KIF5C: variants seen among roughly 807,000 people sequenced by gnomAD.
KIF5C encodes the protein kinesin heavy chain isoform 5C.
A neutral mutation model predicts 125.2 loss-of-function variants in KIF5C; 18 were observed. The ratio of observed to expected loss-of-function variants is 0.14; its 90% CI spans 0.10 to 0.21. The LOEUF (loss-of-function observed/expected upper bound fraction) is 0.21. Ranked by LOEUF, KIF5C falls within the 10% of genes least tolerant of loss-of-function variation. The pLI is 1.00. For synonymous variants in KIF5C, 405 were observed against 434.0 expected, an observed-to-expected ratio of 0.93 and a Z score of 0.83; for missense variants, 780 against 1,183.8, an observed-to-expected ratio of 0.66 and a Z score of 5.01.
intron 15 of KIF5C, among the ~76,000 whole-genome samples, chr2:148,987,373 G>A: frequency 6.6e-6 from 1 of 152,174 alleles, no homozygotes; most frequent in Middle Eastern, 3.2e-3. Context: ...TAGTAGCCTG[G>A]CCAGAACCAG....
At chr2:148,942,797 G>A (rs773242502) in intron 7 of KIF5C, 37 bp downstream of exon 7, 1 of 1,585,812 alleles carries the variant, frequency 6.3e-7, no homozygotes, top group South Asian at 1.2e-5. Context: ...CCTGCAGCTT[G>A]GGAGACAGAT....
intron 16 of KIF5C, among the ~76,000 whole-genome samples, chr2:148,992,702 A>C (rs1009211692): frequency 6.6e-6 from 1 of 152,274 alleles, no homozygotes; most frequent in African/African-American, 2.4e-5. Flanking sequence ...GACCAGGAAT[A>C]TCAGGGGGAA....
intron 21 of KIF5C, among the ~76,000 whole-genome samples, chr2:149,004,258 T>A (rs1681939753): frequency 6.6e-6 from 1 of 152,258 alleles, no homozygotes; most frequent in South Asian, 2.1e-4. Flanking sequence ...AGTGTTTCCG[T>A]AGCTTTATAG....
intron 11 of KIF5C, among the ~76,000 whole-genome samples, chr2:148,967,125 T>G (rs2105138306): frequency 6.6e-6 from 1 of 152,300 alleles, no homozygotes; most frequent in East Asian, 1.9e-4. Flanking sequence ...TTTAATTCCT[T>G]TCTGACATTG....
intron 15 of KIF5C, among the ~76,000 whole-genome samples, chr2:148,985,927 A>G (rs1298085488): frequency 1.3e-5 from 2 of 152,246 alleles, no homozygotes; most frequent in Non-Finnish European, 2.9e-5. Flanking sequence ...ATCTAATTCT[A>G]GCACAGACTT....
chr2:148,950,774 A>G (rs1409213097), intron 10 of KIF5C, among the ~76,000 whole-genome samples: 1 of 150,576 alleles, frequency 6.6e-6, no homozygotes, highest in African/African-American at 2.4e-5. Flanking sequence ...ATACCACTGC[A>G]CTCCAGCCTG....
intron 21 of KIF5C, among the ~76,000 whole-genome samples, chr2:149,003,482 A>G (rs968459554): frequency 9.2e-5 from 14 of 152,206 alleles, no homozygotes; most frequent in African/African-American, 2.9e-4. Flanking sequence ...TGAGACTTGT[A>G]TTCCCTCCTT....
chr2:148,907,109 G>A (rs373869216), intron 1 of KIF5C, among the ~76,000 whole-genome samples: 18 of 152,228 alleles, frequency 1.2e-4, no homozygotes, highest in African/African-American at 4.1e-4. Flanking sequence ...GACAATGAAG[G>A]TGGCAGCTGC....
At chr2:148,902,407 C>T (rs1414006269) in intron 1 of KIF5C, among the ~76,000 whole-genome samples, 1 of 152,146 alleles carries the variant, frequency 6.6e-6, no homozygotes, top group Non-Finnish European at 1.5e-5. Flanking sequence ...ATCTCTGCCT[C>T]CCAGGTTCAA....
intron 10 of KIF5C, among the ~76,000 whole-genome samples, chr2:148,957,935 G>C (rs928061777): frequency 6.6e-6 from 1 of 152,028 alleles, no homozygotes; most frequent in Non-Finnish European, 1.5e-5. Flanking sequence ...GCCTGTCTTT[G>C]AATTATTTGA....
chr2:148,977,870 C>A (rs1318006601), intron 12 of KIF5C, among the ~76,000 whole-genome samples: 1 of 152,142 alleles, frequency 6.6e-6, no homozygotes, highest in Admixed American at 6.5e-5. Flanking sequence ...GGTTCTGTGA[C>A]CCAGGCCCTT....
At chr2:148,944,725 A>G (rs1682484406) in intron 7 of KIF5C, among the ~76,000 whole-genome samples, 1 of 152,138 alleles carries the variant, frequency 6.6e-6, no homozygotes, top group African/African-American at 2.4e-5. Flanking sequence ...ACTATTTGCT[A>G]TTATTACGAT....
At chr2:148,900,768 A>C (rs1195609585) in intron 1 of KIF5C, among the ~76,000 whole-genome samples, 1 of 152,196 alleles carries the variant, frequency 6.6e-6, no homozygotes, top group Non-Finnish European at 1.5e-5. Flanking sequence ...GGGCTTACAG[A>C]CCAGAGGGAG....
In KIF5C at chr2:148,875,578, C is replaced by T; in HGVS notation, c.-40C>T. ...TCCCTCGTCGTTCCCGGCCCCGGCC[C>T]CCCACCCATCCCCGTGCCCCCTCCC... On this transcript the variant is annotated 5_prime_UTR_variant, in exon 1 of 26. Transcript: ENST00000435030. The T allele has an allele frequency of 1.5e-6, 1 of 685,638 alleles. No homozygotes were observed. The highest frequency in any genetic ancestry group is 2.6e-6 in the Non-Finnish European group (1 of 379,034). The allele number at this position is 685,638 out of a possible 1,614,324, so 42.5% of individuals were successfully genotyped here. A position where few individuals can be genotyped will look rare whatever the true frequency, so the allele number is the denominator to read the frequency against.
chr2:148,974,576 C>T (rs1055440276), intron 12 of KIF5C, among the ~76,000 whole-genome samples: 1 of 152,190 alleles, frequency 6.6e-6, no homozygotes, highest in Non-Finnish European at 1.5e-5. Context: ...TTCGCACCCA[C>T]GAGATGGGTT....
chr2:148,894,031 C>T (rs1259861332), intron 1 of KIF5C, among the ~76,000 whole-genome samples: 1 of 152,176 alleles, frequency 6.6e-6, no homozygotes, highest in Non-Finnish European at 1.5e-5. Flanking sequence ...CACACACATA[C>T]ACACACTGGG....
At chr2:148,991,335 G>A in intron 16 of KIF5C, 137 bp downstream of exon 16, 1 of 1,396,304 alleles carries the variant, frequency 7.2e-7, no homozygotes, top group Non-Finnish European at 9.4e-7. Flanking sequence ...CCCAGGTGAT[G>A]GCAGCCCAGG....
At chr2:148,908,747 G>A (rs2105064434) in intron 1 of KIF5C, among the ~76,000 whole-genome samples, 1 of 152,322 alleles carries the variant, frequency 6.6e-6, no homozygotes, top group African/African-American at 2.4e-5. Flanking sequence ...AGTCATAACT[G>A]TTTAGTGAGG....
At chr2:149,010,077 G>T in intron 23 of KIF5C, 58 bp from the exon 24 acceptor site, 1 of 1,496,310 alleles carries the variant, frequency 6.7e-7, no homozygotes, top group Middle Eastern at 1.8e-4. Context: ...TGGCTGCTCT[G>T]GTTTGTGCAA....
Sources: gnomAD v4.1 joint callset for allele counts (sites outside exome capture counted in the v4.1 genomes callset) on GRCh38, gnomAD v4.1.1 for gene constraint, MANE v1.5 for transcripts, NCBI Gene and HGNC (gene_info 2026-07-23, HGNC 2026-07-21) for gene names.